The following CYP20A1 variants were observed in gnomAD, a reference collection of about 807,000 sequenced individuals.
CYP20A1 encodes the protein cytochrome P450 family 20 subfamily A member 1.
A neutral mutation model predicts 61.4 loss-of-function variants in CYP20A1; 61 were observed. The ratio of observed to expected loss-of-function variants is 0.99; its 90% confidence interval spans 0.81 to 1.23. The LOEUF is 1.23. Ranked by LOEUF, CYP20A1 falls within the 50% of genes most tolerant of loss-of-function variation. CYP20A1 has a pLI of 0.00. For missense variants in CYP20A1, 530 were observed against 542.4 expected, an observed-to-expected ratio of 0.98 and a Z score of 0.23; for synonymous variants, 193 against 188.2, an observed-to-expected ratio of 1.03 and a Z score of -0.21.
chr2:203,278,131 C>T (rs1029699870), intron 6 of CYP20A1, among the ~76,000 whole-genome samples: 2 of 152,042 alleles, frequency 1.3e-5, no homozygotes, highest in African/African-American at 2.4e-5. Flanking sequence ...CAAAAATTAG[C>T]TGGGCGTGGT....
At position 203,266,780 on chromosome 2, in the gene CYP20A1, A is replaced by G; in HGVS notation, c.600+99A>G. 3 of 968,476 alleles carry G rather than the reference A, an allele frequency of 3.1e-6. No individual in the cohort carries two copies. The South Asian group carries it at 4.5e-5, about 15-fold the overall frequency. The allele number at this position is 968,476 out of a possible 1,614,324, so 60.0% of individuals were successfully genotyped here. A position where few individuals can be genotyped will look rare whatever the true frequency, so the allele number is the denominator to read the frequency against. On this transcript the variant is annotated intron_variant, in intron 5 of 12. Coordinates refer to ENST00000356079, the MANE Select transcript of CYP20A1 (RefSeq NM_177538.3). The stretch of plus-strand genomic sequence containing the variant: ...TTGGGAGGCTGCAGTCAGGAGTTAA[A>G]GACCAGCCTGCCCCACATGGTAAAA...
chr2:203,254,679 A>G (rs1243088300), intron 4 of CYP20A1, among the ~76,000 whole-genome samples: 2 of 152,094 alleles, frequency 1.3e-5, no homozygotes, highest in Non-Finnish European at 2.9e-5. Flanking sequence ...TTTTTATAGC[A>G]CTTAGTATTC....
intron 4 of CYP20A1, among the ~76,000 whole-genome samples, chr2:203,256,925 C>T (rs567087116): frequency 6.6e-6 from 1 of 152,162 alleles, no homozygotes; most frequent in Non-Finnish European, 1.5e-5. Context: ...AACTTCTACT[C>T]CAGCCTCCAG....
intron 3 of CYP20A1, among the ~76,000 whole-genome samples, chr2:203,250,913 A>G (rs2066641164): frequency 6.6e-6 from 1 of 151,638 alleles, no homozygotes; most frequent in Non-Finnish European, 1.5e-5. Flanking sequence ...AAATACAAAA[A>G]ATTAGCCGGG....
At position 203,246,874 on chromosome 2, in the gene CYP20A1, T is replaced by G; in HGVS notation, c.242T>G (p.Leu81Trp). The G allele has an allele frequency of 6.2e-7, 1 of 1,614,186 alleles. No homozygotes were observed. The change falls in exon 3 of 13, where the codon TTG becomes TGG. Residue 81 changes from leucine (L) to tryptophan (W), a missense_variant. Leu to Trp is a moderately conservative substitution (Grantham distance 61, BLOSUM62 -2). Transcript: ENST00000356079. ...TTTGGCAGGCGCCTCGTGGTTAGTT[T>G]GGGCACTGTTGATGTACTGAAGCAG... ...FWFGRRLVVS[L>W]GTVDVLKQHI...
At chr2:203,263,513 G>A (rs1231807253) in intron 4 of CYP20A1, among the ~76,000 whole-genome samples, 1 of 149,782 alleles carries the variant, frequency 6.7e-6, no homozygotes, top group African/African-American at 2.5e-5. Context: ...TGGCCTCGAT[G>A]TCCTGACCTC....
At chr2:203,252,139 T>C in intron 4 of CYP20A1, 30 bp downstream of exon 4, 1 of 1,544,404 alleles carries the variant, frequency 6.5e-7, no homozygotes, top group Non-Finnish European at 8.8e-7. Context: ...GGTCTAGTGT[T>C]CTACAACATA....
chr2:203,289,739 C>G, intron 9 of CYP20A1, 26 bp from the exon 10 acceptor site: 1 of 1,429,214 alleles, frequency 7.0e-7, no homozygotes, highest in Non-Finnish European at 9.6e-7. Flanking sequence ...AAATAAACAT[C>G]TTCAAAAAAA....
In CYP20A1 at chr2:203,266,570, C is replaced by T; in HGVS notation, c.489C>T (p.Pro163=). The change falls in exon 5 of 13, where the codon CCC becomes CCT. Residue 163 remains proline (P), a synonymous_variant. Coordinates refer to ENST00000356079, the MANE Select transcript of CYP20A1 (RefSeq NM_177538.3). The stretch of plus-strand genomic sequence containing the variant: ...CCTACCCAGAGACCCAGCACGTGCC[C>T]CTCAGCCAGCATATGCTTGGTTTTG... ...WLSYPETQHV[P]LSQHMLGFAM... is the part of the protein sequence containing the mutation. 6.2e-7 allele frequency: 1 copy of T among 1,613,940 alleles called. No homozygotes were observed.
In CYP20A1 at chr2:203,285,982, C is replaced by A. The variant is rs12468888; in HGVS notation, c.971+250C>A. Among the ~76,000 whole-genome samples the A allele has an allele frequency of 0.92, 140,677 of 152,252 alleles. 65,262 individuals are homozygous for A. The highest frequency in any genetic ancestry group is 0.96 in the Non-Finnish European group (65,534 of 68,022). ...ATGACACTCATACTTTGTTGATGGTCATAAAAAATAGACAGCCACATTAGA... is the reference window on the plus strand; with the variant it reads ...ATGACACTCATACTTTGTTGATGGTAATAAAAAATAGACAGCCACATTAGA... On this transcript the variant is annotated intron_variant, in intron 9 of 12. Coordinates refer to ENST00000356079, the MANE Select transcript of CYP20A1 (RefSeq NM_177538.3).
intron 3 of CYP20A1, among the ~76,000 whole-genome samples, chr2:203,248,243 G>A (rs2066529569): frequency 1.3e-5 from 2 of 151,994 alleles, no homozygotes; most frequent in Non-Finnish European, 2.9e-5. Context: ...TGAAAAAAAA[G>A]AATCTCCTGG....
chr2:203,288,408 G>C (rs1186325505), intron 9 of CYP20A1, among the ~76,000 whole-genome samples: 1 of 151,948 alleles, frequency 6.6e-6, no homozygotes, highest in Non-Finnish European at 1.5e-5. Flanking sequence ...CCCTAGAGTA[G>C]CTGCTCCTAC....
At chr2:203,254,054 T>C (rs1238203725) in intron 4 of CYP20A1, among the ~76,000 whole-genome samples, 1 of 152,098 alleles carries the variant, frequency 6.6e-6, no homozygotes, top group East Asian at 1.9e-4. Flanking sequence ...TTCAAGCAAT[T>C]CTCTGCCTCA....
At position 203,303,646 on chromosome 2, in the gene CYP20A1, G is replaced by T. The variant is rs1440818968; in HGVS notation, c.*6738G>T. 1.3e-5 allele frequency among the ~76,000 whole-genome samples: 2 copies of T among 151,918 alleles called. No individual in the cohort carries two copies. The highest frequency in any genetic ancestry group is 2.4e-5 in the African/African-American group (1 of 41,386). ...AGAGTCGGAGGTTGCAGTGAGCCGAGATCGCGCCATTGCACTCCAGTGTGG... is the reference window on the plus strand; with the variant it reads ...AGAGTCGGAGGTTGCAGTGAGCCGATATCGCGCCATTGCACTCCAGTGTGG... On this transcript the variant is annotated 3_prime_UTR_variant, in exon 13 of 13. Coordinates refer to ENST00000356079, the MANE Select transcript of CYP20A1 (RefSeq NM_177538.3).
intron 1 of CYP20A1, among the ~76,000 whole-genome samples, chr2:203,243,676 G>A (rs898804011): frequency 4.2e-5 from 6 of 143,136 alleles, no homozygotes; most frequent in East Asian, 2.1e-4. Context: ...GAGCCACTGC[G>A]CCTGGCCTCT....
In CYP20A1 at chr2:203,303,074, C is replaced by T. The variant is rs1314494214; in HGVS notation, c.*6166C>T. Among the ~76,000 whole-genome samples the T allele has an allele frequency of 6.6e-6, 1 of 152,048 alleles. No homozygotes were observed. The highest frequency in any genetic ancestry group is 1.5e-5 in the Non-Finnish European group (1 of 68,024). On this transcript the variant is annotated 3_prime_UTR_variant, in exon 13 of 13. Coordinates refer to ENST00000356079, the MANE Select transcript of CYP20A1 (RefSeq NM_177538.3). Reference sequence around the variant, plus strand: ...GGAGTGTGGTGGCACGATCTTGGCTCACTGCAACCCCTGCCTCCCAGGTTC... The same window carrying T: ...GGAGTGTGGTGGCACGATCTTGGCTTACTGCAACCCCTGCCTCCCAGGTTC...
chr2:203,242,364 T>C (rs902601565), intron 1 of CYP20A1, among the ~76,000 whole-genome samples: 1 of 152,138 alleles, frequency 6.6e-6, no homozygotes, highest in African/African-American at 2.4e-5. Flanking sequence ...CAAGTATAGA[T>C]AGCTCTTTAG....
At chr2:203,272,314 GAGA>G (rs2067634605) in intron 5 of CYP20A1, among the ~76,000 whole-genome samples, 1 of 152,070 alleles carries the variant, frequency 6.6e-6, no homozygotes. Context: ...AGACTGAGAT[GAGA>G]AGATCACTTG....
rs928540840 is a variant in CYP20A1 at position 203,301,252 on chromosome 2, C to G, written c.*4344C>G. Among the ~76,000 whole-genome samples, 1 of 144,210 alleles carries G rather than the reference C, an allele frequency of 6.9e-6. No individual in the cohort carries two copies. The highest frequency in any genetic ancestry group is 1.5e-5 in the Non-Finnish European group (1 of 65,732). 94.6% of individuals were successfully genotyped at this position (144,210 alleles called of 152,430 possible). A position where few individuals can be genotyped will look rare whatever the true frequency, so the allele number is the denominator to read the frequency against. On this transcript the variant is annotated 3_prime_UTR_variant, in exon 13 of 13. Transcript: ENST00000356079. ...TTTTTTCTTTTTCTTTTCTTTCTTT[C>G]TTTTCTTTTCTTTTTTTTTTTTGAG...
Sources: allele counts gnomAD v4.1 joint callset (sites outside exome capture counted in the v4.1 genomes callset), GRCh38; gene constraint gnomAD v4.1.1; transcripts MANE v1.5; gene names NCBI Gene and HGNC (gene_info 2026-07-23, HGNC 2026-07-21).